The following ARVCF variants were observed in gnomAD, a reference collection of about 807,000 sequenced individuals.
The protein encoded by ARVCF is splicing regulator ARVCF.
In ARVCF, 66 loss-of-function variants were observed where a neutral mutation model predicts 90.9. The observed-to-expected ratio is 0.73, with a 90% confidence interval of 0.60 to 0.89. The LOEUF is 0.89. Ranked by LOEUF, ARVCF falls within the 40% of genes least tolerant of loss-of-function variation. The pLI, the probability that ARVCF is intolerant of heterozygous loss-of-function variation, is 0.00. For missense variants in ARVCF, 1,469 were observed against 1,382.3 expected, an observed-to-expected ratio of 1.06 and a Z score of -1.00; for synonymous variants, 653 against 603.4, an observed-to-expected ratio of 1.08 and a Z score of -1.21.
chr22:19,976,423 G>T (rs1943154940), intron 10 of ARVCF, among the ~76,000 whole-genome samples: 1 of 152,058 alleles, frequency 6.6e-6, no homozygotes, highest in African/African-American at 2.4e-5. Flanking sequence ...CGAGCCACAT[G>T]ATGCCCCATT....
chr22:19,996,498 C>G (rs1182741006), intron 2 of ARVCF, among the ~76,000 whole-genome samples: 1 of 152,220 alleles, frequency 6.6e-6, no homozygotes, highest in African/African-American at 2.4e-5. Flanking sequence ...CTCTCCACTT[C>G]TGTGCTTTTG....
chr22:19,984,653 G>A (rs1292175467), intron 3 of ARVCF, among the ~76,000 whole-genome samples: 1 of 152,162 alleles, frequency 6.6e-6, no homozygotes, highest in Non-Finnish European at 1.5e-5. Context: ...GGCACAGGCC[G>A]AGCACATCAA....
Position 19,976,692 on chromosome 22 carries a change from A to T in ARVCF, c.1888+14T>A. The T allele has an allele frequency of 6.4e-7, 1 of 1,557,550 alleles. No individual in the cohort carries two copies. The highest frequency in any genetic ancestry group is 8.7e-7 in the Non-Finnish European group (1 of 1,150,418). ...ACACGCCAGGCCTGGAGAGCAGGAT[A>T]AAAAGGGACTCACCTTGGTGGAACC... On this transcript the variant is annotated intron_variant, in intron 10 of 19. Coordinates refer to ENST00000263207, the MANE Select transcript of ARVCF (RefSeq NM_001670.3).
chr22:19,977,691 G>A, intron 8 of ARVCF, 105 bp from the exon 9 acceptor site: 1 of 1,416,278 alleles, frequency 7.1e-7, no homozygotes, highest in Non-Finnish European at 9.4e-7. Flanking sequence ...GGGAGCAAAG[G>A]AACAGGGAGT....
In ARVCF at chr22:19,976,715, A is replaced by G. The variant is rs1475024857; in HGVS notation, c.1879T>C (p.Phe627Leu). 6.4e-7 allele frequency: 1 copy of G among 1,560,456 alleles called. No individual in the cohort carries two copies. The highest frequency in any genetic ancestry group is 1.3e-5 in the African/African-American group (1 of 74,092). ...FGGKKAKEEW[F>L]HQGKKDGEMD... ...ATAAAAAGGGACTCACCTTGGTGGA[A>G]CCACTCCTCTGGGAGGCCGGAGGAA... is the stretch of plus-strand genomic sequence containing the variant. Residue 627 changes from phenylalanine (F) to leucine (L), a missense_variant, in exon 10 of 20, where the codon TTC becomes CTC. Phe to Leu is a conservative substitution (Grantham distance 22). Transcript: ENST00000263207.
chr22:19,967,318 G>C, downstream of ARVCF: 1 of 818,032 alleles, frequency 1.2e-6, no homozygotes, highest in Non-Finnish European at 1.8e-6. Context: ...CAGCCGCCCT[G>C]CTCAAGGCCT....
chr22:19,994,880 G>A (rs1214238081), intron 2 of ARVCF, among the ~76,000 whole-genome samples: 2 of 150,190 alleles, frequency 1.3e-5, no homozygotes, highest in African/African-American at 4.9e-5. Context: ...TAGATGGGAT[G>A]GTGGGGGATG....
intron 12 of ARVCF, 144 bp downstream of exon 12, chr22:19,973,968 G>A: frequency 1.4e-6 from 2 of 1,478,560 alleles, no homozygotes; most frequent in Non-Finnish European, 1.8e-6. Context: ...TGCACGCATT[G>A]CCCGCAGCCC....
At position 19,970,185 on chromosome 22, in the gene ARVCF, C is replaced by A; in HGVS notation, c.*571G>T. On this transcript the variant is annotated 3_prime_UTR_variant, in exon 20 of 20. Transcript: ENST00000263207. Reference sequence around the variant, plus strand: ...ACTGCAGGGCTCTGGGGAGGTGGGGCACCTGTAGCCTGACCCCCACCTTGC... The same window carrying A: ...ACTGCAGGGCTCTGGGGAGGTGGGGAACCTGTAGCCTGACCCCCACCTTGC... 1 of 987,672 alleles carries A rather than the reference C, an allele frequency of 1.0e-6. No homozygotes were observed. Among genetic ancestry groups the A allele is most frequent in the Non-Finnish European group, 1.2e-6 (1 of 831,356 alleles). 61.2% of individuals were successfully genotyped at this position (987,672 alleles called of 1,614,324 possible). A position where few individuals can be genotyped will look rare whatever the true frequency, so the allele number is the denominator to read the frequency against.
At chr22:20,015,938 T>A (rs1198838474) in intron 1 of ARVCF, among the ~76,000 whole-genome samples, 1 of 145,352 alleles carries the variant, frequency 6.9e-6, no homozygotes, top group Non-Finnish European at 1.5e-5. Flanking sequence ...TCAGGCCACC[T>A]GCCCAGGGCG....
intron 2 of ARVCF, among the ~76,000 whole-genome samples, chr22:19,997,742 C>T (rs1038633836): frequency 6.6e-6 from 1 of 152,242 alleles, no homozygotes; most frequent in Non-Finnish European, 1.5e-5. Flanking sequence ...CTCCCCTGCA[C>T]ACTCAGCCCA....
chr22:19,972,226 CCTCT>C, intron 17 of ARVCF, 128 bp downstream of exon 17: 1 of 1,267,260 alleles, frequency 7.9e-7, no homozygotes, highest in Non-Finnish European at 1.1e-6. Context: ...TGTACCTCAC[CCTCT>C]AAGCACCCCT....
rs1465226593 is a variant in ARVCF, at chr22:19,973,253, C to T, written c.2304G>A (p.Gly768=). 2 of 1,610,062 alleles carry T rather than the reference C, an allele frequency of 1.2e-6. No homozygotes were observed. Among genetic ancestry groups the T allele is most frequent in the Non-Finnish European group, 1.7e-6 (2 of 1,179,110 alleles). The stretch of plus-strand genomic sequence containing the variant: ...CCACGGTGTCTTCCTCCAGGCAGGC[C>T]CCCGGTCGCGGCGGAGCCTGTGCAT... ...VRNAQAPPRP[G]ACLEEDTVVA... The change falls in exon 14 of 20, where the codon GGG becomes GGA. Residue 768 remains glycine (G), a synonymous_variant. Coordinates refer to ENST00000263207, the MANE Select transcript of ARVCF (RefSeq NM_001670.3).
At chr22:20,000,173 T>C (rs1944395422) in intron 2 of ARVCF, among the ~76,000 whole-genome samples, 1 of 152,204 alleles carries the variant, frequency 6.6e-6, no homozygotes, top group Admixed American at 6.5e-5. Context: ...CACCCTGTCA[T>C]ATGCAGGGAG....
At position 19,973,121 on chromosome 22, in the gene ARVCF, G is replaced by A; in HGVS notation, c.2436C>T (p.Ser812=). 1 of 1,583,172 alleles carries A rather than the reference G, an allele frequency of 6.3e-7. No individual in the cohort carries two copies. The highest frequency in any genetic ancestry group is 8.6e-7 in the Non-Finnish European group (1 of 1,166,412). ...CCACCGACCCCGCCCCTCCACACCTGGAGGCCACGAGAGCCACCAACGCTG... is the reference window on the plus strand; with the variant it reads ...CCACCGACCCCGCCCCTCCACACCTAGAGGCCACGAGAGCCACCAACGCTG... ...GVPALVALVA[S]SQSVREAKAA... The change falls in exon 14 of 20, where the codon TCC becomes TCT. Residue 812 remains serine, a splice_region_variant and synonymous_variant. Transcript: ENST00000263207.
intron 2 of ARVCF, among the ~76,000 whole-genome samples, chr22:20,009,836 TAC>T (rs1162838191): frequency 1.3e-5 from 2 of 152,242 alleles, no homozygotes; most frequent in African/African-American, 4.8e-5. Flanking sequence ...CACGGGCCAG[TAC>T]ACATGGCCTA....
chr22:19,979,481 GGGCAGGAGGTGTGAA>G, intron 6 of ARVCF: 1 of 583,214 alleles, frequency 1.7e-6, no homozygotes, highest in Non-Finnish European at 3.0e-6. Context: ...GTTTCTGTGG[GGGCAGGAGGTGTGAA>G]GGCAGGAGGT....
In ARVCF at chr22:19,978,029, A is replaced by G; in HGVS notation, c.1627T>C (p.Cys543Arg). 6.2e-7 allele frequency: 1 copy of G among 1,609,218 alleles called. No individual in the cohort carries two copies. The highest frequency in any genetic ancestry group is 2.2e-5 in the East Asian group (1 of 44,630). The change falls in exon 8 of 20, where the codon TGT becomes CGT. Residue 543 changes from cysteine (C) to arginine (R), a missense_variant. Transcript: ENST00000263207. The part of the protein sequence containing the change: ...GAEARRRLRE[C>R]EGLVDALLHA... ...AGGAGCGCGTCCACCAGCCCTTCAC[A>G]CTCCCGGAGTCGCCGCCGGGCCTCA...
rs758915401 is a variant in ARVCF at position 19,982,023 on chromosome 22, G to A, written c.279C>T (p.Thr93=). ...MPEAPDVLEE[T]VTVEEDPGTP... is the part of the protein sequence containing the mutation. ...TGCCGGGGTCCTCCTCCACCGTCAC[G>A]GTCTCCTCCAGCACATCAGGTGCCT... is the stretch of plus-strand genomic sequence containing the variant. Residue 93 remains threonine (T), a synonymous_variant, in exon 4 of 20, where the codon ACC becomes ACT. Transcript: ENST00000263207. The A allele has an allele frequency of 7.4e-6, 12 of 1,612,818 alleles. No individual in the cohort carries two copies. Among genetic ancestry groups the A allele is most frequent in the South Asian group, 5.5e-5 (5 of 91,080 alleles).
Sources: allele counts gnomAD v4.1 joint callset (sites outside exome capture counted in the v4.1 genomes callset), GRCh38; gene constraint gnomAD v4.1.1; transcripts MANE v1.5; gene names NCBI Gene and HGNC (gene_info 2026-07-23, HGNC 2026-07-21).